Variants in DYNLL1 observed in about 807,000 individuals in gnomAD.
DYNLL1 encodes dynein light chain 1, cytoplasmic.
Under a neutral mutation model 10.1 loss-of-function variants are expected in DYNLL1, and 3 were observed. The observed-to-expected ratio is 0.30, with a 90% confidence interval of 0.14 to 0.77. The LOEUF is 0.77. Ranked by LOEUF, DYNLL1 falls within the 30% of genes least tolerant of loss-of-function variation. The pLI is 0.66. For synonymous variants in DYNLL1, 46 were observed against 41.2 expected (o/e 1.12, Z -0.45); for missense variants, 47 against 111.7 (o/e 0.42, Z 2.61).
chr12:120,482,955 C>T (rs1878913972), intron 1 of DYNLL1, among the ~76,000 whole-genome samples: 1 of 151,878 alleles, frequency 6.6e-6, no homozygotes, highest in Non-Finnish European at 1.5e-5. Context: ...GTGGCTCGTG[C>T]CTGTGGTCCC....
chr12:120,474,024 G>A (rs896953265), intron 1 of DYNLL1, among the ~76,000 whole-genome samples: 1 of 151,784 alleles, frequency 6.6e-6, no homozygotes, highest in Admixed American at 6.6e-5. Context: ...GAGAGTAGCA[G>A]ACCAGGGAAA....
chr12:120,483,952 G>A (rs1348447600), intron 1 of DYNLL1, among the ~76,000 whole-genome samples: 1 of 151,998 alleles, frequency 6.6e-6, no homozygotes, highest in East Asian at 1.9e-4. Context: ...GCCATGAAGG[G>A]CACTGAGAAT....
chr12:120,494,725 G>A (rs1879223445), upstream of DYNLL1, among the ~76,000 whole-genome samples: 2 of 152,254 alleles, frequency 1.3e-5, no homozygotes, highest in South Asian at 4.1e-4. Flanking sequence ...CAAAGTGCTG[G>A]GATTACAGGT....
intron 1 of DYNLL1, among the ~76,000 whole-genome samples, chr12:120,483,836 G>A (rs146016321): frequency 7.9e-5 from 12 of 152,240 alleles, no homozygotes; most frequent in African/African-American, 2.9e-4. Flanking sequence ...ACAAACAGAG[G>A]AGCCTGAGGT....
At chr12:120,476,471 AT>A (rs1878754684) in intron 1 of DYNLL1, among the ~76,000 whole-genome samples, 1 of 152,166 alleles carries the variant, frequency 6.6e-6, no homozygotes, top group Non-Finnish European at 1.5e-5. Context: ...GCTTCTGTGA[AT>A]GTCACATTGA....
chr12:120,482,333 T>G (rs973100111), intron 1 of DYNLL1, among the ~76,000 whole-genome samples: 3 of 151,992 alleles, frequency 2.0e-5, no homozygotes, highest in Non-Finnish European at 4.4e-5. Flanking sequence ...ACAATTTTTT[T>G]TTTTTTTGAG....
chr12:120,472,293 T>G (rs1423799361), intron 1 of DYNLL1, among the ~76,000 whole-genome samples: 1 of 152,236 alleles, frequency 6.6e-6, no homozygotes, highest in Non-Finnish European at 1.5e-5. Flanking sequence ...GTAATTAGCA[T>G]GCACTACTTT....
chr12:120,482,979 G>A (rs1192559922), intron 1 of DYNLL1, among the ~76,000 whole-genome samples: 1 of 152,096 alleles, frequency 6.6e-6, no homozygotes, highest in East Asian at 1.9e-4. Context: ...TACTCGAGAG[G>A]CTGACGCAGG....
At chr12:120,470,428 T>C (rs545135977) in intron 1 of DYNLL1, among the ~76,000 whole-genome samples, 13 of 152,030 alleles carry the variant, frequency 8.6e-5, no homozygotes, top group Admixed American at 5.9e-4. Flanking sequence ...ACGCGGAGCA[T>C]TGAACCCAGG....
chr12:120,486,045 A>C (rs75076549), intron 1 of DYNLL1, among the ~76,000 whole-genome samples: 4,409 of 152,236 alleles, frequency 0.029, 220 homozygotes, highest in African/African-American at 0.1. Flanking sequence ...TTAATAAAAA[A>C]CGGGTGTCAG....
At chr12:120,495,257 T>G (rs994056140), upstream of DYNLL1, 1 of 151,752 alleles carries the variant, frequency 6.6e-6, no homozygotes. Context: ...CAGAGATAAA[T>G]CCCAACCAAG....
At chr12:120,496,593 G>A in intron 2 of DYNLL1, 40 bp downstream of exon 2, 2 of 1,613,962 alleles carry the variant, frequency 1.2e-6, no homozygotes, top group Non-Finnish European at 1.7e-6. Context: ...GCCGGGAGCA[G>A]GGGGTTCCTT....
At chr12:120,471,890 C>T (rs3759396) in intron 1 of DYNLL1, among the ~76,000 whole-genome samples, 39,450 of 151,974 alleles carry the variant, frequency 0.26, 5,969 homozygotes, top group East Asian at 0.5. Context: ...GGAATACAGG[C>T]GTGAGCCACC....
rs1868398441 is a variant in DYNLL1 at position 120,496,351 on chromosome 12, G to A, written c.-6-65G>A. 3.1e-6 allele frequency: 5 copies of A among 1,600,924 alleles called. No individual in the cohort carries two copies. In the Admixed American group the frequency reaches 5.1e-5, roughly 16 times the overall value. On this transcript the variant is annotated intron_variant, in intron 1 of 2. Coordinates refer to ENST00000242577, the MANE Select transcript of DYNLL1 (RefSeq NM_003746.3). ...GTCCCGTGGTGGCGCCGGCCGGGGT[G>A]GGGGCAGTTAGTGCCTGGGGGGCGC...
intron 1 of DYNLL1, among the ~76,000 whole-genome samples, chr12:120,480,852 C>T (rs1487574806): frequency 5.3e-5 from 8 of 152,040 alleles, no homozygotes; most frequent in East Asian, 1.9e-4. Flanking sequence ...CTCCGCCTCC[C>T]GGGTTCACGT....
chr12:120,495,882 G>A (rs1045704273), upstream of DYNLL1: 1 of 164,018 alleles, frequency 6.1e-6, no homozygotes, highest in African/African-American at 2.4e-5. Context: ...CTGGGTGTGT[G>A]GGCCTCGTAG....
chr12:120,474,821 G>T (rs1878720612), intron 1 of DYNLL1, among the ~76,000 whole-genome samples: 1 of 152,204 alleles, frequency 6.6e-6, no homozygotes, highest in South Asian at 2.1e-4. Flanking sequence ...GTCCCGCCTG[G>T]CAGGAGAGCT....
chr12:120,484,007 AT>A (rs1878940358), intron 1 of DYNLL1, among the ~76,000 whole-genome samples: 1 of 151,936 alleles, frequency 6.6e-6, no homozygotes, highest in African/African-American at 2.4e-5. Context: ...TGACCACCAC[AT>A]TTGAGCTGTG....
At chr12:120,484,319 G>A (rs1331020700) in intron 1 of DYNLL1, among the ~76,000 whole-genome samples, 3 of 140,540 alleles carry the variant, frequency 2.1e-5, no homozygotes, top group East Asian at 2.4e-4. Flanking sequence ...GTAACGGCAA[G>A]GGAGGCAGAA....
Sources: gnomAD v4.1 joint callset for allele counts (sites outside exome capture counted in the v4.1 genomes callset) on GRCh38, gnomAD v4.1.1 for gene constraint, MANE v1.5 for transcripts, NCBI Gene and HGNC (gene_info 2026-07-23, HGNC 2026-07-21) for gene names.